CRYGN: variants seen among roughly 807,000 people sequenced by gnomAD.
The protein encoded by CRYGN is gamma-crystallin N.
CRYGN carries 17 observed loss-of-function variants against 19.2 expected under a neutral mutation model. That is an observed-to-expected ratio of 0.89 (90% CI 0.61 to 1.33). The LOEUF (loss-of-function observed/expected upper bound fraction) is 1.33, where lower values mean the gene tolerates loss of function less well. CRYGN is among the 40% of genes most tolerant of loss of function. The pLI is 0.00. For missense variants in CRYGN, 239 were observed against 239.6 expected (o/e 1.00, Z 0.02); for synonymous variants, 84 against 85.8 (o/e 0.98, Z 0.12).
intron 3 of CRYGN, chr7:151,432,091 C>G (rs768361460): frequency 1.1e-6 from 1 of 876,002 alleles, no homozygotes; most frequent in African/African-American, 1.7e-5. Context: ...TGGGTGGGAC[C>G]GCAAGGGGTT....
rs1801574977 is a variant in CRYGN at position 151,435,302 on chromosome 7, C to T, written c.416+878G>A. 2.0e-5 allele frequency among the ~76,000 whole-genome samples: 3 copies of T among 152,306 alleles called. No homozygotes were observed. Among genetic ancestry groups the T allele is most frequent in the Admixed American group, 6.5e-5 (1 of 15,304 alleles). On this transcript the variant is annotated intron_variant, in intron 3 of 3. Coordinates refer to ENST00000337323, the MANE Select transcript of CRYGN (RefSeq NM_144727.3). This position sits in a 1 kb window ranked among gnomAD's most constrained non-coding sequence, Gnocchi z 4.2. ...AAAGCGGCTAGCTCTGGAACAGGGACAGACACAGGCTTGGCTGCAGTCTCA... is the reference window on the plus strand; with the variant it reads ...AAAGCGGCTAGCTCTGGAACAGGGATAGACACAGGCTTGGCTGCAGTCTCA...
chr7:151,438,296 G>A (rs944230313), intron 1 of CRYGN, 52 bp from the exon 2 acceptor site: 2 of 1,546,090 alleles, frequency 1.3e-6, no homozygotes. Flanking sequence ...CTCCGTCAGC[G>A]TTGGAGGCTG....
Position 151,440,053 on chromosome 7 carries a change from C to T in CRYGN, c.-136G>A, listed in dbSNP as rs930073437. 1.5e-6 allele frequency: 2 copies of T among 1,351,994 alleles called. No homozygotes were observed. Among genetic ancestry groups the T allele is most frequent in the African/African-American group, 3.1e-5 (2 of 65,424 alleles). 83.7% of individuals were successfully genotyped at this position (1,351,994 alleles called of 1,614,324 possible). On this transcript the variant is annotated 5_prime_UTR_variant, in exon 1 of 4. Coordinates refer to ENST00000337323, the MANE Select transcript of CRYGN (RefSeq NM_144727.3). ...GTCGGGCGTGCTAAGCCCGAGGGGC[C>T]ACCAGGCGGTTGGGACCCGCCGCGG...
intron 2 of CRYGN, among the ~76,000 whole-genome samples, chr7:151,437,557 T>TCCC (rs1423708882): frequency 1.3e-5 from 2 of 152,170 alleles, no homozygotes; most frequent in African/African-American, 2.4e-5. Context: ...GGCGGGTGAT[T>TCCC]CTTCAGCTTC....
In CRYGN at chr7:151,438,021, A is replaced by C. The variant is rs1418189058; in HGVS notation, c.245T>G (p.Met82Arg). Reference protein sequence around the residue: ...FFRWNSHSDHMGSCRPVGMHG... With the variant: ...FFRWNSHSDHRGSCRPVGMHG... Reference sequence around the variant, plus strand: ...CATTCCTACAGGCCGACAGGAGCCCATGTGGTCACTGTGGCTGTTCCAGCG... The same window carrying C: ...CATTCCTACAGGCCGACAGGAGCCCCTGTGGTCACTGTGGCTGTTCCAGCG... The change falls in exon 2 of 4, where the codon ATG becomes AGG. Residue 82 changes from methionine (M) to arginine (R), a missense_variant. Coordinates refer to ENST00000337323, the MANE Select transcript of CRYGN (RefSeq NM_144727.3). 1.9e-6 allele frequency: 3 copies of C among 1,613,812 alleles called. No individual in the cohort carries two copies. The Admixed American group carries it at 5.0e-5, about 27-fold the overall frequency.
intron 3 of CRYGN, among the ~76,000 whole-genome samples, chr7:151,434,689 C>T (rs965997786): frequency 1.3e-5 from 2 of 152,156 alleles, no homozygotes; most frequent in Non-Finnish European, 2.9e-5. Context: ...GTGTATCCTC[C>T]CATATATAGT....
In CRYGN at chr7:151,430,268, G is replaced by A. The variant is rs1584820381; in HGVS notation, c.417-88C>T. 7.6e-7 allele frequency: 1 copy of A among 1,321,054 alleles called. No homozygotes were observed. Among genetic ancestry groups the A allele is most frequent in the East Asian group, 2.3e-5 (1 of 42,798 alleles). 81.8% of individuals were successfully genotyped at this position (1,321,054 alleles called of 1,614,324 possible). Reference sequence around the variant, plus strand: ...GGGACCCATCTACCACATGGCAGCAGGGAGCCCCTTCCCCTTTCCTGGGCG... The same window carrying A: ...GGGACCCATCTACCACATGGCAGCAAGGAGCCCCTTCCCCTTTCCTGGGCG... On this transcript the variant is annotated intron_variant, in intron 3 of 3. Transcript: ENST00000337323. The surrounding 1 kb of genome is among the most constrained non-coding windows in gnomAD (Gnocchi z 5.2).
intron 3 of CRYGN, chr7:151,432,340 G>A (rs995792532): frequency 1.8e-5 from 19 of 1,044,424 alleles, no homozygotes; most frequent in Middle Eastern, 3.5e-4. Flanking sequence ...CCGGGACTCC[G>A]GAGAGAAAAG....
rs764546302 is a variant in CRYGN at position 151,438,067 on chromosome 7, C to G, written c.199G>C (p.Gly67Arg). The change falls in exon 2 of 4, where the codon GGC becomes CGC. Residue 67 changes from glycine (G) to arginine (R), a missense_variant. Coordinates refer to ENST00000337323, the MANE Select transcript of CRYGN (RefSeq NM_144727.3). ...CAGCGGAAGAAGTCGGGGTAGTCGC[C>G]GTGCTCCAAGATGAACTGCTGGCCC... ...FRGQQFILEH[G>R]DYPDFFRWNS... is the part of the protein sequence containing the mutation. The G allele has an allele frequency of 4.3e-6, 7 of 1,613,952 alleles. No individual in the cohort carries two copies. The Admixed American group carries it at 1.2e-4, about 27-fold the overall frequency.
At chr7:151,439,865 T>C (rs1242712432) in intron 1 of CRYGN, 32 bp downstream of exon 1, 1 of 1,550,296 alleles carries the variant, frequency 6.5e-7, no homozygotes, top group Non-Finnish European at 8.7e-7. Flanking sequence ...GGAGCCCCAC[T>C]CGGTTTCCTT....
chr7:151,440,343 A>G, upstream of CRYGN: 1 of 215,744 alleles, frequency 4.6e-6, no homozygotes. Context: ...CCCCTTTCTC[A>G]CCTGGCTGCA....
chr7:151,432,127 G>T, intron 3 of CRYGN: 1 of 1,164,004 alleles, frequency 8.6e-7, no homozygotes, highest in Non-Finnish European at 1.1e-6. Flanking sequence ...GCTGCGCCCG[G>T]CCATCCCGGT....
intron 1 of CRYGN, 142 bp downstream of exon 1, chr7:151,439,755 G>A (rs1252994251): frequency 2.2e-6 from 2 of 903,228 alleles, no homozygotes; most frequent in Non-Finnish European, 3.2e-6. Flanking sequence ...CCAGTAGCGA[G>A]GCCACCCCAT....
chr7:151,436,051 A>G lies in CRYGN; in HGVS notation c.416+129T>C. ...AAGGAGAGGGCCTGTGGGGCCAGGGACACGCTGCCCACTGCTGGAGGTCTC... is the reference window on the plus strand; with the variant it reads ...AAGGAGAGGGCCTGTGGGGCCAGGGGCACGCTGCCCACTGCTGGAGGTCTC... On this transcript the variant is annotated intron_variant, in intron 3 of 3. Transcript: ENST00000337323. The surrounding 1 kb of genome is among the most constrained non-coding windows in gnomAD (Gnocchi z 5.1). The G allele has an allele frequency of 1.6e-6, 1 of 616,452 alleles. No homozygotes were observed. The allele number at this position is 616,452 out of a possible 1,614,324, so 38.2% of individuals were successfully genotyped here.
chr7:151,432,243 G>A, intron 3 of CRYGN: 3 of 1,232,228 alleles, frequency 2.4e-6, no homozygotes, highest in East Asian at 3.2e-5. Flanking sequence ...TCTCCACCAC[G>A]TACATGCGGC....
In CRYGN at chr7:151,430,023, A is replaced by C; in HGVS notation, c.*25T>G. On this transcript the variant is annotated 3_prime_UTR_variant, in exon 4 of 4. Coordinates refer to ENST00000337323, the MANE Select transcript of CRYGN (RefSeq NM_144727.3). This position sits in a 1 kb window ranked among gnomAD's most constrained non-coding sequence, Gnocchi z 5.2. The stretch of plus-strand genomic sequence containing the variant: ...CCCGGCTCAGAAACGGTGCAGGTGC[A>C]TTTACATGTCAATCGGTTCCAGGCT... 1 of 857,638 alleles carries C rather than the reference A, an allele frequency of 1.2e-6. No homozygotes were observed. The highest frequency in any genetic ancestry group is 2.0e-6 in the Non-Finnish European group (1 of 488,218). 53.1% of individuals were successfully genotyped at this position (857,638 alleles called of 1,614,324 possible). A position where few individuals can be genotyped will look rare whatever the true frequency, so the allele number is the denominator to read the frequency against.
chr7:151,437,538 C>T (rs1801647600), intron 2 of CRYGN, among the ~76,000 whole-genome samples: 1 of 152,208 alleles, frequency 6.6e-6, no homozygotes, highest in Admixed American at 6.5e-5. Flanking sequence ...CCCCAATTTT[C>T]CCCTGACAGG....
Position 151,435,344 on chromosome 7 carries a change from G to A in CRYGN, c.416+836C>T, listed in dbSNP as rs775330181. Among the ~76,000 whole-genome samples the A allele has an allele frequency of 1.3e-5, 2 of 152,196 alleles. No homozygotes were observed. Among genetic ancestry groups the A allele is most frequent in the South Asian group, 2.1e-4 (1 of 4,826 alleles). On this transcript the variant is annotated intron_variant, in intron 3 of 3. Transcript: ENST00000337323. This position sits in a 1 kb window ranked among gnomAD's most constrained non-coding sequence, Gnocchi z 4.2. ...GCAGTCTCAGCTGTGCCACTCCCAC[G>A]GGGCGGCCGGGCAGTCAGCCTTCTG...
At position 151,430,862 on chromosome 7, in the gene CRYGN, G is replaced by A. The variant is rs781147992; in HGVS notation, c.417-682C>T. ...TTGGGGGGACTCTGGGATCGCAGTCGGGGATTAGAGGCTGGACCAGGAGTC... is the reference window on the plus strand; with the variant it reads ...TTGGGGGGACTCTGGGATCGCAGTCAGGGATTAGAGGCTGGACCAGGAGTC... On this transcript the variant is annotated intron_variant, in intron 3 of 3. Coordinates refer to ENST00000337323, the MANE Select transcript of CRYGN (RefSeq NM_144727.3). This position sits in a 1 kb window ranked among gnomAD's most constrained non-coding sequence, Gnocchi z 5.2. 6.6e-5 allele frequency among the ~76,000 whole-genome samples: 10 copies of A among 152,140 alleles called. No individual in the cohort carries two copies. The highest frequency in any genetic ancestry group is 1.7e-4 in the African/African-American group (7 of 41,418).
Sources: allele counts gnomAD v4.1 joint callset (sites outside exome capture counted in the v4.1 genomes callset), GRCh38; gene constraint gnomAD v4.1.1; non-coding constraint Gnocchi (gnomAD v3.1); transcripts MANE v1.5; gene names NCBI Gene and HGNC (gene_info 2026-07-23, HGNC 2026-07-21).